The following CADPS2 variants were observed in gnomAD, a reference collection of about 807,000 sequenced individuals.
The protein encoded by CADPS2 is calcium dependent secretion activator 2, also known as calcium-dependent secretion activator 2.
A neutral mutation model predicts 172.5 loss-of-function variants in CADPS2; 93 were observed. The ratio of observed to expected loss-of-function variants is 0.54; its 90% CI spans 0.46 to 0.64. The LOEUF (loss-of-function observed/expected upper bound fraction) is 0.64, where lower values mean the gene tolerates loss of function less well. CADPS2 is among the 30% of genes least tolerant of loss of function. The pLI, the probability that CADPS2 is intolerant of heterozygous loss-of-function variation, is 0.00. For synonymous variants in CADPS2, 546 were observed against 555.2 expected, an observed-to-expected ratio of 0.98 and a Z score of 0.23; for missense variants, 1,420 against 1,565.9, an observed-to-expected ratio of 0.91 and a Z score of 1.57.
intron 17 of CADPS2, among the ~76,000 whole-genome samples, chr7:122,429,705 AG>A (rs1242569612): frequency 6.6e-6 from 1 of 152,150 alleles, no homozygotes; most frequent in African/African-American, 2.4e-5. Flanking sequence ...ATGAAATTTC[AG>A]GTCTATTATT....
At chr7:122,685,560 T>A (rs1362699890) in intron 2 of CADPS2, among the ~76,000 whole-genome samples, 1 of 152,212 alleles carries the variant, frequency 6.6e-6, no homozygotes, top group Non-Finnish European at 1.5e-5. Context: ...TTCATTCTTT[T>A]CAGGTCTTTG....
At chr7:122,617,869 T>C (rs1035369233) in intron 5 of CADPS2, among the ~76,000 whole-genome samples, 5 of 151,982 alleles carry the variant, frequency 3.3e-5, no homozygotes, top group Non-Finnish European at 5.9e-5. Flanking sequence ...CAGTGACACC[T>C]TGTCTCTACT....
At chr7:122,550,338 C>T (rs535983195) in intron 8 of CADPS2, among the ~76,000 whole-genome samples, 2 of 152,278 alleles carry the variant, frequency 1.3e-5, no homozygotes, top group African/African-American at 4.8e-5. Context: ...CCAAGCATGA[C>T]TCTACACAAA....
At chr7:122,765,950 G>T (rs900073341) in intron 1 of CADPS2, among the ~76,000 whole-genome samples, 3 of 152,048 alleles carry the variant, frequency 2.0e-5, no homozygotes, top group African/African-American at 7.2e-5. Context: ...ATTTTGTGTT[G>T]CTTTAACAGA....
chr7:122,329,807 G>A (rs2034597911), intron 28 of CADPS2, among the ~76,000 whole-genome samples: 1 of 152,104 alleles, frequency 6.6e-6, no homozygotes, highest in Admixed American at 6.5e-5. Flanking sequence ...GACCCTCCAA[G>A]GCTGATATTC....
intron 4 of CADPS2, among the ~76,000 whole-genome samples, chr7:122,626,478 T>C (rs1198159993): frequency 1.3e-5 from 2 of 152,152 alleles, no homozygotes; most frequent in African/African-American, 2.4e-5. Context: ...TCTGGAAGGA[T>C]TGTACTATCA....
chr7:122,334,473 A>C (rs2035530179), intron 28 of CADPS2, among the ~76,000 whole-genome samples: 2 of 152,170 alleles, frequency 1.3e-5, no homozygotes, highest in Non-Finnish European at 2.9e-5. Flanking sequence ...GCAGAAAAAT[A>C]TTGTTGCTGT....
intron 1 of CADPS2, among the ~76,000 whole-genome samples, chr7:122,738,261 T>C (rs1270017018): frequency 1.3e-5 from 2 of 152,066 alleles, no homozygotes; most frequent in African/African-American, 4.8e-5. Flanking sequence ...GTAAAAATAT[T>C]AACAATTTCA....
chr7:122,672,428 C>T (rs1479925958), intron 2 of CADPS2, among the ~76,000 whole-genome samples: 1 of 152,148 alleles, frequency 6.6e-6, no homozygotes, highest in Admixed American at 6.5e-5. Context: ...CTTACATTGA[C>T]AAACTCACCA....
intron 7 of CADPS2, among the ~76,000 whole-genome samples, chr7:122,580,567 T>C (rs185078275): frequency 2.6e-4 from 39 of 152,186 alleles, no homozygotes; most frequent in Admixed American, 2.1e-3. Flanking sequence ...TTCACACAGA[T>C]TTACCTAATG....
intron 3 of CADPS2, among the ~76,000 whole-genome samples, chr7:122,631,654 C>A (rs752684088): frequency 1.3e-5 from 2 of 151,650 alleles, no homozygotes; most frequent in East Asian, 1.9e-4. Flanking sequence ...AAAACAAAAC[C>A]AAAAACAATG....
intron 2 of CADPS2, among the ~76,000 whole-genome samples, chr7:122,691,085 TA>T (rs2084293339): frequency 6.6e-6 from 1 of 152,252 alleles, no homozygotes; most frequent in Non-Finnish European, 1.5e-5. Flanking sequence ...TCCGCTGCTC[TA>T]AGCAGGTGCT....
chr7:122,460,772 TCAAG>T (rs1186740916), intron 14 of CADPS2, among the ~76,000 whole-genome samples: 1 of 151,972 alleles, frequency 6.6e-6, no homozygotes, highest in Non-Finnish European at 1.5e-5. Context: ...TCAGAAGTAA[TCAAG>T]CAGAGCTCAA....
At chr7:122,558,142 C>A (rs1351469142) in intron 7 of CADPS2, among the ~76,000 whole-genome samples, 1 of 152,144 alleles carries the variant, frequency 6.6e-6, no homozygotes, top group Non-Finnish European at 1.5e-5. Flanking sequence ...AGTATCCTAA[C>A]TAGTATATCA....
chr7:122,429,810 C>T (rs1166338999), intron 17 of CADPS2, among the ~76,000 whole-genome samples: 1 of 151,952 alleles, frequency 6.6e-6, no homozygotes, highest in Non-Finnish European at 1.5e-5. Context: ...TCAGAGAAAA[C>T]TGTTATATCA....
chr7:122,365,313 G>A (rs561344675), intron 25 of CADPS2, among the ~76,000 whole-genome samples: 138 of 152,300 alleles, frequency 9.1e-4, no homozygotes, highest in Non-Finnish European at 1.7e-3. Context: ...TGCTTACATG[G>A]CAGTGAGCAG....
At chr7:122,456,000 G>C (rs186775178) in intron 14 of CADPS2, among the ~76,000 whole-genome samples, 7 of 152,250 alleles carry the variant, frequency 4.6e-5, no homozygotes, top group Non-Finnish European at 1.0e-4. Context: ...ACCATGCCCA[G>C]CTTGGAACAT....
chr7:122,499,702 G>A (rs1247570004), intron 9 of CADPS2, among the ~76,000 whole-genome samples: 1 of 152,146 alleles, frequency 6.6e-6, no homozygotes, highest in African/African-American at 2.4e-5. Flanking sequence ...TGACGATGGG[G>A]TTAGGGTATG....
chr7:122,335,798 G>T, intron 28 of CADPS2, among the ~76,000 whole-genome samples: 1 of 152,138 alleles, frequency 6.6e-6, no homozygotes, highest in Non-Finnish European at 1.5e-5. Flanking sequence ...AACAAATAGG[G>T]ATTATTTATC....
Sources: gnomAD v4.1 joint callset for allele counts (sites outside exome capture counted in the v4.1 genomes callset) on GRCh38, gnomAD v4.1.1 for gene constraint, MANE v1.5 for transcripts, NCBI Gene and HGNC (gene_info 2026-07-23, HGNC 2026-07-21) for gene names.